SYNRG: variants seen among roughly 807,000 people sequenced by gnomAD.
SYNRG encodes synergin gamma.
In SYNRG, 37 loss-of-function variants were observed where a neutral mutation model predicts 130.9. That is an observed-to-expected ratio of 0.28 (90% CI 0.22 to 0.37). SYNRG has a LOEUF of 0.37. Among genes scored for constraint, SYNRG ranks in the 10% least tolerant of loss-of-function variants. SYNRG has a pLI of 1.00. For missense variants in SYNRG, 1,338 were observed against 1,588.9 expected (o/e 0.84, Z 2.68); for synonymous variants, 539 against 568.1 (o/e 0.95, Z 0.73).
At chr17:37,594,300 TATTA>T (rs976181818) in intron 3 of SYNRG, among the ~76,000 whole-genome samples, 47 of 147,620 alleles carry the variant, frequency 3.2e-4, no homozygotes, top group Admixed American at 1.6e-3. Flanking sequence ...TTAATTACAA[TATTA>T]ATTATTTTAA....
intron 10 of SYNRG, among the ~76,000 whole-genome samples, chr17:37,569,230 C>T (rs192217830): frequency 6.6e-6 from 1 of 152,108 alleles, no homozygotes; most frequent in South Asian, 2.1e-4. Flanking sequence ...GCTAACATGG[C>T]GAAACGCCAT....
At chr17:37,570,246 G>T (rs557265402) in intron 10 of SYNRG, among the ~76,000 whole-genome samples, 2 of 149,898 alleles carry the variant, frequency 1.3e-5, no homozygotes, top group African/African-American at 2.5e-5. Flanking sequence ...TGAACTCCTG[G>T]GATCAAGTGA....
chr17:37,583,956 A>C (rs2061514322), intron 6 of SYNRG, among the ~76,000 whole-genome samples: 1 of 152,184 alleles, frequency 6.6e-6, no homozygotes, highest in South Asian at 2.1e-4. Flanking sequence ...TCGGCCTCCC[A>C]AAGTGCTGGG....
chr17:37,605,071 A>G (rs991198203), intron 1 of SYNRG, among the ~76,000 whole-genome samples: 3 of 152,254 alleles, frequency 2.0e-5, no homozygotes, highest in African/African-American at 7.2e-5. Context: ...AAAATGTGAC[A>G]GAGACATGAA....
intron 1 of SYNRG, among the ~76,000 whole-genome samples, chr17:37,607,156 TAC>T (rs1290985025): frequency 3.3e-5 from 5 of 152,216 alleles, no homozygotes; most frequent in African/African-American, 9.6e-5. Context: ...GTATATCGTT[TAC>T]AGTTTTAGAA....
chr17:37,580,478 C>CATGTGT (rs1555780109), intron 6 of SYNRG, among the ~76,000 whole-genome samples: 2 of 121,960 alleles, frequency 1.6e-5, no homozygotes, highest in African/African-American at 6.8e-5. Context: ...CTTTGTATTT[C>CATGTGT]GTGTGTGTGT....
At chr17:37,532,574 G>A (rs1598127156) in intron 19 of SYNRG, among the ~76,000 whole-genome samples, 1 of 150,754 alleles carries the variant, frequency 6.6e-6, no homozygotes, top group Non-Finnish European at 1.5e-5. Context: ...TTGGGAGGCT[G>A]AGGCATGAGA....
chr17:37,549,121 A>C (rs914119693), intron 14 of SYNRG, among the ~76,000 whole-genome samples: 49 of 151,224 alleles, frequency 3.2e-4, no homozygotes, highest in Non-Finnish European at 8.9e-5. Flanking sequence ...GGCAACAAGA[A>C]ACCTGGTCTC....
At chr17:37,584,901 C>A in intron 5 of SYNRG, 142 bp from the exon 6 acceptor site, 1 of 621,502 alleles carries the variant, frequency 1.6e-6, no homozygotes, top group Non-Finnish European at 2.7e-6. Flanking sequence ...TCCAAGTCAG[C>A]AAGACATTGG....
At chr17:37,586,636 T>C in intron 3 of SYNRG, 87 bp from the exon 4 acceptor site, 2 of 1,443,288 alleles carry the variant, frequency 1.4e-6, no homozygotes, top group Non-Finnish European at 1.9e-6. Flanking sequence ...AATTCTATCT[T>C]AATACTCTTA....
intron 19 of SYNRG, among the ~76,000 whole-genome samples, chr17:37,521,658 T>TG (rs1229585413): frequency 1.3e-5 from 2 of 152,060 alleles, no homozygotes; most frequent in African/African-American, 2.4e-5. Context: ...GGCAATGAAT[T>TG]GGGGGTGGCA....
intron 14 of SYNRG, among the ~76,000 whole-genome samples, chr17:37,551,875 C>CAAAAAAAAAAAAAA (rs11401626): frequency 1.2e-5 from 1 of 86,064 alleles, no homozygotes; most frequent in African/African-American, 3.3e-5. Flanking sequence ...AGGAAAAGTA[C>CAAAAAAAAAAAAAA]AAAAAAAAAA....
rs142460460 is a variant in SYNRG, at chr17:37,536,023, C to T, written c.3622G>A (p.Val1208Ile). ...LQQLLKDIDK[V>I]WNNLIGFMSL... ...ATGAAGCCGATTAGGTTATTCCATA[C>T]TTTATCGATGTCCTTCAGCAACTGC... The change falls in exon 19 of 22, where the codon GTA (valine) becomes ATA (isoleucine). Residue 1208 changes from valine (V) to isoleucine (I), a missense_variant. Transcript: ENST00000612223. 92 of 1,613,942 alleles carry T rather than the reference C, an allele frequency of 5.7e-5. No individual in the cohort carries two copies. The African/African-American group carries it at 1.0e-3, about 18-fold the overall frequency.
At chr17:37,607,662 G>A (rs775256457) in intron 1 of SYNRG, among the ~76,000 whole-genome samples, 1 of 151,948 alleles carries the variant, frequency 6.6e-6, no homozygotes, top group Non-Finnish European at 1.5e-5. Context: ...GGTGGCGCAC[G>A]CCTGTAATCC....
intron 11 of SYNRG, chr17:37,567,526 TAGA>T (rs902858405): frequency 6.6e-6 from 1 of 152,232 alleles, no homozygotes; most frequent in Non-Finnish European, 1.5e-5. Flanking sequence ...TTTATGCGTC[TAGA>T]AGGTTTAACT....
At chr17:37,540,630 CTTTTTT>C (rs767724523) in intron 15 of SYNRG, 87 bp from the exon 16 acceptor site, 160 of 695,548 alleles carry the variant, frequency 2.3e-4, no homozygotes, top group South Asian at 1.0e-3. Flanking sequence ...CAACCCTCTT[CTTTTTT>C]TTTTTTTTTT....
intron 15 of SYNRG, 141 bp downstream of exon 15, chr17:37,541,831 T>C (rs143705809): frequency 1.3e-6 from 1 of 793,568 alleles, no homozygotes; most frequent in South Asian, 1.9e-5. Flanking sequence ...TTATTATAGC[T>C]ATCTGTAATT....
chr17:37,596,254 G>A lies in SYNRG; in HGVS notation c.209C>T (p.Ser70Phe). ...MQGIMGMNYS[S>F]QMSQGPIAMQ... is the part of the protein sequence containing the mutation. ...AGCAATAGGTCCTTGGGACATCTGA[G>A]AGCTGTAATTCATTCCCATAATGCC... Residue 70 changes from serine to phenylalanine, a missense_variant, in exon 3 of 22, where the codon TCT becomes TTT. Ser to Phe is a radical substitution (Grantham distance 155). Coordinates refer to ENST00000612223, the MANE Select transcript of SYNRG (RefSeq NM_007247.6). 1 of 1,614,136 alleles carries A rather than the reference G, an allele frequency of 6.2e-7. No individual in the cohort carries two copies. The highest frequency in any genetic ancestry group is 8.5e-7 in the Non-Finnish European group (1 of 1,179,996).
intron 19 of SYNRG, chr17:37,529,901 G>C (rs750913724): frequency 6.6e-7 from 1 of 1,516,404 alleles, no homozygotes; most frequent in East Asian, 2.5e-5. Context: ...TAGAAATCTA[G>C]TTTTCAAGTG....
Sources: allele counts gnomAD v4.1 joint callset (sites outside exome capture counted in the v4.1 genomes callset), GRCh38; gene constraint gnomAD v4.1.1; transcripts MANE v1.5; gene names NCBI Gene and HGNC (gene_info 2026-07-23, HGNC 2026-07-21).